The following OR5T2 variants were observed in gnomAD, a reference collection of about 807,000 sequenced individuals.
OR5T2 encodes olfactory receptor 5T2.
A neutral mutation model predicts 13.7 loss-of-function variants in OR5T2; 12 were observed. The ratio of observed to expected loss-of-function variants is 0.88; its 90% CI spans 0.56 to 1.42. The LOEUF (loss-of-function observed/expected upper bound fraction) is 1.42, where lower values mean the gene tolerates loss of function less well. Ranked by LOEUF, OR5T2 falls within the 40% of genes most tolerant of loss-of-function variation. OR5T2 has a pLI of 0.00. For synonymous variants in OR5T2, 146 were observed against 139.5 expected (o/e 1.05, Z -0.33); for missense variants, 475 against 372.0 (o/e 1.28, Z -2.28).
At chr11:56,233,298 T>A in intron 1 of OR5T2, 34 bp from the exon 2 acceptor site, 1 of 817,000 alleles carries the variant, frequency 1.2e-6, no homozygotes, top group Non-Finnish European at 1.8e-6. Context: ...GGACGTTCAT[T>A]AGTTGGCTGG....
In OR5T2 at chr11:56,233,006, A is replaced by C; in HGVS notation, c.57T>G (p.Leu19=). ...GGAAGAAGAAGATAGTCTGCAGTTC[A>C]AGATTGTCTGTGAAGCCCTTCAGTA... ...LFVLKGFTDN[L]ELQTIFFFLF... Residue 19 remains leucine (L), a synonymous_variant, in exon 2 of 2, where the codon CTT becomes CTG. Transcript: ENST00000641661. 1.2e-6 allele frequency: 2 copies of C among 1,605,340 alleles called. No homozygotes were observed. Among genetic ancestry groups the C allele is most frequent in the Middle Eastern group, 1.7e-4 (1 of 6,016 alleles).
chr11:56,232,575 C>A lies in OR5T2; in HGVS notation c.488G>T (p.Ser163Ile). 6.2e-7 allele frequency: 1 copy of A among 1,613,996 alleles called. No homozygotes were observed. The highest frequency in any genetic ancestry group is 8.5e-7 in the Non-Finnish European group (1 of 1,179,956). ...HATIHTVATF[S>I]LSFCGANEIR... is the part of the protein sequence containing the mutation. ...TTCATTGGCTCCACAGAAGGATAGGCTAAATGTAGCCACTGTATGTATAGT... is the reference window on the plus strand; with the variant it reads ...TTCATTGGCTCCACAGAAGGATAGGATAAATGTAGCCACTGTATGTATAGT... Residue 163 changes from serine (S) to isoleucine (I), a missense_variant, in exon 2 of 2, where the codon AGC becomes ATC. By Grantham distance (142) the Ser-to-Ile change is moderately radical. Coordinates refer to ENST00000641661, the MANE Select transcript of OR5T2 (RefSeq NM_001004746.4).
Position 56,233,134 on chromosome 11 carries a change from C to T in OR5T2, c.-72G>A, listed in dbSNP as rs1417048381. On this transcript the variant is annotated 5_prime_UTR_variant, in exon 2 of 2. Coordinates refer to ENST00000641661, the MANE Select transcript of OR5T2 (RefSeq NM_001004746.4). ...ATATTATGACAAAAAGAATGAACAA[C>T]ACCATGACTCAAGGGGATGTTAACT... The T allele has an allele frequency of 4.4e-6, 7 of 1,580,788 alleles. No individual in the cohort carries two copies. Among genetic ancestry groups the T allele is most frequent in the Middle Eastern group, 1.7e-4 (1 of 5,926 alleles).
Position 56,233,274 on chromosome 11 carries a change from C to T in OR5T2, c.-202-10G>A, listed in dbSNP as rs1201594523. On this transcript the variant is annotated splice_polypyrimidine_tract_variant and intron_variant, in intron 1 of 1. Coordinates refer to ENST00000641661, the MANE Select transcript of OR5T2 (RefSeq NM_001004746.4). ...GTGTTCATGCCACTCACTGCAGAAT[C>T]AAATGGAAGAAATGGACGTTCATTA... The T allele has an allele frequency of 9.6e-7, 1 of 1,046,236 alleles. No homozygotes were observed. Among genetic ancestry groups the T allele is most frequent in the Non-Finnish European group, 1.3e-6 (1 of 765,476 alleles). 64.8% of individuals were successfully genotyped at this position (1,046,236 alleles called of 1,614,324 possible).
Position 56,232,482 on chromosome 11 carries a change from T to A in OR5T2, c.581A>T (p.Gln194Leu). The A allele has an allele frequency of 6.2e-7, 1 of 1,606,690 alleles. No homozygotes were observed. Among genetic ancestry groups the A allele is most frequent in the South Asian group, 1.1e-5 (1 of 89,902 alleles). Residue 194 changes from glutamine (Q) to leucine (L), a missense_variant, in exon 2 of 2, where the codon CAG becomes CTG. Transcript: ENST00000641661. The part of the protein sequence containing the change: ...AISYSDTHTN[Q>L]LLLFYFVGSI... ...GCCCACAAAGTAGAAGAGTAGAAGC[T>A]GGTTTGTGTGAGTGTCAGAATAAGA...
chr11:56,233,862 T>C (rs1370981310), intron 1 of OR5T2, among the ~76,000 whole-genome samples: 1 of 151,882 alleles, frequency 6.6e-6, no homozygotes, highest in African/African-American at 2.4e-5. Flanking sequence ...GCAAATAAGA[T>C]ACTTCAACCA....
At chr11:56,233,856 A>G (rs536825218) in intron 1 of OR5T2, among the ~76,000 whole-genome samples, 1 of 151,862 alleles carries the variant, frequency 6.6e-6, no homozygotes, top group Non-Finnish European at 1.5e-5. Flanking sequence ...CTTTGTGCAA[A>G]TAAGATACTT....
At position 56,232,924 on chromosome 11, in the gene OR5T2, C is replaced by T. The variant is rs776312406; in HGVS notation, c.139G>A (p.Val47Ile). ...TTGTGGAGCTGGGAATCCCTAATGA[C>T]CACTAAAATCAGTCCTAAATTTCCC... The part of the protein sequence containing the change: ...LMGNLGLILV[V>I]IRDSQLHKPM... Residue 47 changes from valine to isoleucine, a missense_variant, in exon 2 of 2, where the codon GTC (valine) becomes ATC (isoleucine). Physicochemically the swap from Val to Ile is conservative, Grantham distance 29. Transcript: ENST00000641661. The T allele has an allele frequency of 6.8e-6, 11 of 1,611,856 alleles. No individual in the cohort carries two copies. The highest frequency in any genetic ancestry group is 9.3e-6 in the Non-Finnish European group (11 of 1,178,966).
In OR5T2 at chr11:56,232,253, C is replaced by G. The variant is rs761042147; in HGVS notation, c.810G>C (p.Met270Ile). The G allele has an allele frequency of 7.4e-6, 12 of 1,613,010 alleles. No individual in the cohort carries two copies. The highest frequency in any genetic ancestry group is 1.0e-5 in the Non-Finnish European group (12 of 1,179,336). Residue 270 changes from methionine (M) to isoleucine (I), a missense_variant, in exon 2 of 2, where the codon ATG (methionine) becomes ATC (isoleucine). Met to Ile is a conservative substitution (Grantham distance 10). Coordinates refer to ENST00000641661, the MANE Select transcript of OR5T2 (RefSeq NM_001004746.4). ...CAATGGTGTAAAATATTGACACTAT[C>G]ATGTCATGGTCCGAAGCATAGCTGG... The part of the protein sequence containing the change: ...PSSSYASDHD[M>I]IVSIFYTIVI...
At position 56,232,299 on chromosome 11, in the gene OR5T2, A is replaced by G; in HGVS notation, c.764T>C (p.Phe255Ser). The G allele has an allele frequency of 6.2e-7, 1 of 1,610,918 alleles. No individual in the cohort carries two copies. The highest frequency in any genetic ancestry group is 8.5e-7 in the Non-Finnish European group (1 of 1,178,366). ...GCTGGAACTTGGTCTCACATACATG[A>G]AGAGGATTGTCCCATAATAAATTGA... ...GVSIYYGTIL[F>S]MYVRPSSSYA... Residue 255 changes from phenylalanine to serine, a missense_variant, in exon 2 of 2, where the codon TTC (phenylalanine) becomes TCC (serine). Physicochemically the swap from Phe to Ser is radical, Grantham distance 155. Transcript: ENST00000641661.
Position 56,232,813 on chromosome 11 carries a change from TA to T in OR5T2, c.249del (p.Phe83LeufsTer14), listed in dbSNP as rs1320505215. The T allele has an allele frequency of 1.9e-6, 3 of 1,613,760 alleles. No homozygotes were observed. In the African/African-American group the frequency reaches 4.0e-5, roughly 22 times the overall value. ...SVITPNMLVD[F>X]TTKNKVISFL... ...AATGAAATGACTTTATTCTTTGTCG[TA>T]AAATCTACTAACATATTTGGGGTAA... On this transcript the variant is annotated frameshift_variant, in exon 2 of 2. Coordinates refer to ENST00000641661, the MANE Select transcript of OR5T2 (RefSeq NM_001004746.4). LOFTEE classifies it high-confidence loss of function.
Position 56,232,561 on chromosome 11 carries a change from C to T in OR5T2, c.502G>A (p.Gly168Arg), listed in dbSNP as rs527775004. 2 of 1,613,878 alleles carry T rather than the reference C, an allele frequency of 1.2e-6. No individual in the cohort carries two copies. Among genetic ancestry groups the T allele is most frequent in the African/African-American group, 2.7e-5 (2 of 75,006 alleles). ...AAGACACGCCTAATTTCATTGGCTC[C>T]ACAGAAGGATAGGCTAAATGTAGCC... ...TVATFSLSFCGANEIRRVFCD... is the reference protein window; with the variant it reads ...TVATFSLSFCRANEIRRVFCD... Residue 168 changes from glycine (G) to arginine (R), a missense_variant, in exon 2 of 2, where the codon GGA becomes AGA. Coordinates refer to ENST00000641661, the MANE Select transcript of OR5T2 (RefSeq NM_001004746.4).
rs1213004659 is a variant in OR5T2, at chr11:56,232,907, C to T, written c.156G>A (p.Gln52=). The change falls in exon 2 of 2, where the codon CAG becomes CAA. Residue 52 remains glutamine, a synonymous_variant. Transcript: ENST00000641661. The part of the protein sequence containing the change: ...GLILVVIRDS[Q]LHKPMYYFLS... Reference sequence around the variant, plus strand: ...GAAAATAGTACATGGGTTTGTGGAGCTGGGAATCCCTAATGACCACTAAAA... The same window carrying T: ...GAAAATAGTACATGGGTTTGTGGAGTTGGGAATCCCTAATGACCACTAAAA... 1.2e-6 allele frequency: 2 copies of T among 1,612,094 alleles called. No individual in the cohort carries two copies. The highest frequency in any genetic ancestry group is 2.2e-5 in the South Asian group (2 of 90,794).
chr11:56,233,144 C>T lies in OR5T2; in HGVS notation c.-82G>A. The T allele has an allele frequency of 6.4e-7, 1 of 1,573,984 alleles. No homozygotes were observed. The highest frequency in any genetic ancestry group is 1.4e-5 in the African/African-American group (1 of 74,026). Reference sequence around the variant, plus strand: ...AAAAAGAATGAACAACACCATGACTCAAGGGGATGTTAACTGTGCTCTTGT... The same window carrying T: ...AAAAAGAATGAACAACACCATGACTTAAGGGGATGTTAACTGTGCTCTTGT... On this transcript the variant is annotated 5_prime_UTR_variant, in exon 2 of 2. An upstream open reading frame in the 5' UTR loses its in-frame stop. Coordinates refer to ENST00000641661, the MANE Select transcript of OR5T2 (RefSeq NM_001004746.4).
At chr11:56,233,370 C>A in intron 1 of OR5T2, 106 bp from the exon 2 acceptor site, 1 of 430,874 alleles carries the variant, frequency 2.3e-6, no homozygotes, top group Non-Finnish European at 4.1e-6. Context: ...TTGTATTAAG[C>A]TGTTTATATA....
Position 56,234,118 on chromosome 11 carries a change from C to T in OR5T2, c.-203+59G>A, listed in dbSNP as rs572396227. ...ATGTAATAACGAAACACTAAGTTTG[C>T]TAAATAACAGGCATTTATTTAGCAC... On this transcript the variant is annotated intron_variant, in intron 1 of 1. Coordinates refer to ENST00000641661, the MANE Select transcript of OR5T2 (RefSeq NM_001004746.4). 6.6e-5 allele frequency: 10 copies of T among 152,094 alleles called. No individual in the cohort carries two copies. The South Asian group carries it at 2.1e-3, about 32-fold the overall frequency. 9.4% of individuals were successfully genotyped at this position (152,094 alleles called of 1,614,324 possible).
In OR5T2 at chr11:56,232,146, T is replaced by G; in HGVS notation, c.917A>C (p.Asn306Thr). ...AAAATATACTTTATTGATAACCTGA[T>G]TTTTCCCAAACATTTTTTTCATTGA... ...KDSMKKMFGKNQVINKVYFHT... is the reference protein window; with the variant it reads ...KDSMKKMFGKTQVINKVYFHT... The change falls in exon 2 of 2, where the codon AAT (asparagine) becomes ACT (threonine). Residue 306 changes from asparagine (N) to threonine (T), a missense_variant. Coordinates refer to ENST00000641661, the MANE Select transcript of OR5T2 (RefSeq NM_001004746.4). 6.3e-7 allele frequency: 1 copy of G among 1,580,314 alleles called. No individual in the cohort carries two copies. The highest frequency in any genetic ancestry group is 8.6e-7 in the Non-Finnish European group (1 of 1,165,700).
In OR5T2 at chr11:56,233,213, A is replaced by T; in HGVS notation, c.-151T>A. ...ATTCAGCAGTGCATAATTCTCTAGTAGTGAATCAGAAGACAGTGACAAACT... is the reference window on the plus strand; with the variant it reads ...ATTCAGCAGTGCATAATTCTCTAGTTGTGAATCAGAAGACAGTGACAAACT... On this transcript the variant is annotated 5_prime_UTR_variant, in exon 2 of 2. Coordinates refer to ENST00000641661, the MANE Select transcript of OR5T2 (RefSeq NM_001004746.4). The T allele has an allele frequency of 1.4e-6, 2 of 1,462,160 alleles. No homozygotes were observed. The highest frequency in any genetic ancestry group is 1.8e-6 in the Non-Finnish European group (2 of 1,105,454). The allele number at this position is 1,462,160 out of a possible 1,614,324, so 90.6% of individuals were successfully genotyped here.
At position 56,234,161 on chromosome 11, in the gene OR5T2, A is replaced by G. The variant is rs1853336049; in HGVS notation, c.-203+16T>C. On this transcript the variant is annotated intron_variant, in intron 1 of 1. Transcript: ENST00000641661. ...TTTAGCACTTGCTGCAAGAACAGAC[A>G]TTTCTTGTACATTACCTTATTTCAC... 1 of 152,086 alleles carries G rather than the reference A, an allele frequency of 6.6e-6. No individual in the cohort carries two copies. The allele number at this position is 152,086 out of a possible 1,614,324, so 9.4% of individuals were successfully genotyped here. A position where few individuals can be genotyped will look rare whatever the true frequency, so the allele number is the denominator to read the frequency against.
Sources: gnomAD v4.1 joint callset for allele counts (sites outside exome capture counted in the v4.1 genomes callset) on GRCh38, gnomAD v4.1.1 for gene constraint, MANE v1.5 for transcripts, NCBI Gene and HGNC (gene_info 2026-07-23, HGNC 2026-07-21) for gene names.